The following EPHB1 variants were observed in gnomAD, a reference collection of about 807,000 sequenced individuals.
EPHB1 encodes the protein ephrin type-B receptor 1.
Under a neutral mutation model 94.4 loss-of-function variants are expected in EPHB1, and 30 were observed. The ratio of observed to expected loss-of-function variants is 0.32; its 90% CI spans 0.24 to 0.43. The LOEUF is 0.43. Among genes scored for constraint, EPHB1 ranks in the 20% least tolerant of loss-of-function variants. The probability of loss-of-function intolerance (pLI) is 1.00; values close to 1 mark genes in which losing one functional copy is unlikely to be tolerated. For missense variants in EPHB1, 1,055 were observed against 1,308.3 expected (o/e 0.81, Z 2.99); for synonymous variants, 522 against 489.1 (o/e 1.07, Z -0.89).
chr3:135,015,073 C>G (rs933019757), intron 3 of EPHB1, among the ~76,000 whole-genome samples: 1 of 152,138 alleles, frequency 6.6e-6, no homozygotes, highest in Admixed American at 6.5e-5. Context: ...CCCAGCCTCA[C>G]AGGACCTCAC....
chr3:134,841,152 G>A (rs2036769755), intron 1 of EPHB1, among the ~76,000 whole-genome samples: 1 of 152,172 alleles, frequency 6.6e-6, no homozygotes, highest in African/African-American at 2.4e-5. Context: ...TGCTGCTGTG[G>A]GACTGGTGGC....
At chr3:135,033,387 A>G (rs1936547262) in intron 3 of EPHB1, among the ~76,000 whole-genome samples, 1 of 152,212 alleles carries the variant, frequency 6.6e-6, no homozygotes, top group African/African-American at 2.4e-5. Context: ...TCCAGAATCA[A>G]CCAGTCAACT....
intron 4 of EPHB1, among the ~76,000 whole-genome samples, chr3:135,114,490 A>G (rs1290191895): frequency 7.2e-6 from 1 of 137,956 alleles, no homozygotes. Context: ...TCATGAGGTC[A>G]GGAGTTCGAG....
chr3:134,872,749 C>A (rs2037528964), intron 1 of EPHB1, among the ~76,000 whole-genome samples: 1 of 152,154 alleles, frequency 6.6e-6, no homozygotes, highest in Admixed American at 6.5e-5. Flanking sequence ...CTTCCCCCTC[C>A]CCACATCATG....
intron 3 of EPHB1, among the ~76,000 whole-genome samples, chr3:135,077,088 A>C (rs1275367518): frequency 2.0e-5 from 3 of 152,218 alleles, no homozygotes; most frequent in South Asian, 2.1e-4. Context: ...ATGATATGTT[A>C]ATTATACCTC....
At chr3:134,842,320 T>C (rs1459098747) in intron 1 of EPHB1, among the ~76,000 whole-genome samples, 3 of 152,172 alleles carry the variant, frequency 2.0e-5, no homozygotes, top group African/African-American at 7.2e-5. Context: ...TATTCTATAG[T>C]ATTTTGTTAT....
At chr3:135,086,297 G>A (rs1227719537) in intron 3 of EPHB1, among the ~76,000 whole-genome samples, 7 of 149,988 alleles carry the variant, frequency 4.7e-5, no homozygotes, top group African/African-American at 7.4e-5. Flanking sequence ...GAAGAGTGAG[G>A]AATTGGTAGG....
intron 2 of EPHB1, among the ~76,000 whole-genome samples, chr3:134,932,927 C>T (rs999794630): frequency 1.3e-5 from 2 of 152,194 alleles, no homozygotes; most frequent in Admixed American, 6.5e-5. Flanking sequence ...CAGACAGGCA[C>T]CACTGAATGG....
intron 1 of EPHB1, among the ~76,000 whole-genome samples, chr3:134,837,251 C>T (rs1005090672): frequency 6.6e-6 from 1 of 152,210 alleles, no homozygotes; most frequent in Non-Finnish European, 1.5e-5. Flanking sequence ...TTAAGCATTA[C>T]ATAACTAAAA....
rs372975113 is a variant in EPHB1, at chr3:135,071,179, C to T, written c.806-35269C>T. On this transcript the variant is annotated intron_variant, in intron 3 of 15. Coordinates refer to ENST00000398015, the MANE Select transcript of EPHB1 (RefSeq NM_004441.5). ...TTTAAACTTTCAACAATGTAGAAGG[C>T]TTTGCTGGTAGAACCACTAAGGAGA... Among the ~76,000 whole-genome samples the T allele has an allele frequency of 2.2e-4, 34 of 152,322 alleles. 1 individual carries two copies. The East Asian group carries it at 5.6e-3, about 25-fold the overall frequency.
intron 3 of EPHB1, among the ~76,000 whole-genome samples, chr3:134,992,371 C>T (rs1161638158): frequency 2.6e-5 from 4 of 152,178 alleles, no homozygotes; most frequent in African/African-American, 9.7e-5. Flanking sequence ...CCACGCACAG[C>T]TCTCTGTGCG....
chr3:135,049,437 G>A (rs573770377), intron 3 of EPHB1, among the ~76,000 whole-genome samples: 2 of 152,290 alleles, frequency 1.3e-5, no homozygotes, highest in African/African-American at 4.8e-5. Context: ...GGTTGATGGT[G>A]GCATCAACTG....
intron 13 of EPHB1, among the ~76,000 whole-genome samples, chr3:135,245,805 CAAAA>C (rs34702210): frequency 3.7e-5 from 1 of 26,780 alleles, no homozygotes; most frequent in Non-Finnish European, 8.2e-5. Flanking sequence ...GACACCATCT[CAAAA>C]AAAAAAAAAA....
At chr3:135,111,314 C>T (rs1939433989) in intron 4 of EPHB1, among the ~76,000 whole-genome samples, 1 of 152,186 alleles carries the variant, frequency 6.6e-6, no homozygotes, top group Admixed American at 6.5e-5. Flanking sequence ...GGAGGTGGAG[C>T]CCAGTGATCA....
chr3:134,825,379 T>C (rs2036458609), intron 1 of EPHB1, among the ~76,000 whole-genome samples: 1 of 152,260 alleles, frequency 6.6e-6, no homozygotes, highest in South Asian at 2.1e-4. Context: ...ACTGTTCATT[T>C]CATCTGGTTG....
At chr3:135,032,787 G>C (rs553538711) in intron 3 of EPHB1, among the ~76,000 whole-genome samples, 37 of 152,184 alleles carry the variant, frequency 2.4e-4, no homozygotes, top group Non-Finnish European at 3.4e-4. Flanking sequence ...GTGGGAGCAT[G>C]CTCCATCCCC....
At chr3:135,152,282 A>T (rs1461531171) in intron 5 of EPHB1, among the ~76,000 whole-genome samples, 3 of 152,244 alleles carry the variant, frequency 2.0e-5, no homozygotes, top group Non-Finnish European at 4.4e-5. Flanking sequence ...AAACAGTGGG[A>T]AGAAGATAAC....
intron 1 of EPHB1, among the ~76,000 whole-genome samples, chr3:134,826,802 T>C (rs954471645): frequency 1.3e-5 from 2 of 152,276 alleles, no homozygotes; most frequent in African/African-American, 4.8e-5. Context: ...TTCTATTTTG[T>C]AGGGGGAAAG....
At chr3:135,071,094 A>G (rs1440641255) in intron 3 of EPHB1, among the ~76,000 whole-genome samples, 1 of 152,208 alleles carries the variant, frequency 6.6e-6, no homozygotes, top group Non-Finnish European at 1.5e-5. Flanking sequence ...AGGACTAAGG[A>G]GATCCATCCA....
Sources: allele counts gnomAD v4.1 joint callset (sites outside exome capture counted in the v4.1 genomes callset), GRCh38; gene constraint gnomAD v4.1.1; transcripts MANE v1.5; gene names NCBI Gene and HGNC (gene_info 2026-07-23, HGNC 2026-07-21).